CAST: variants seen among roughly 807,000 people sequenced by gnomAD.
The protein encoded by CAST is calpastatin, also known as MIR583 host.
Under a neutral mutation model 119.6 loss-of-function variants are expected in CAST, and 76 were observed. The ratio of observed to expected loss-of-function variants is 0.64; its 90% CI spans 0.53 to 0.77. CAST has a LOEUF of 0.77. CAST is among the 30% of genes least tolerant of loss of function. The probability of loss-of-function intolerance (pLI) is 0.00; values close to 1 mark genes in which losing one functional copy is unlikely to be tolerated. For synonymous variants in CAST, 319 were observed against 331.6 expected, an observed-to-expected ratio of 0.96 and a Z score of 0.41; for missense variants, 953 against 946.5, an observed-to-expected ratio of 1.01 and a Z score of -0.09.
chr5:96,579,922 G>T (rs1359950253), intron 1 of CAST, among the ~76,000 whole-genome samples: 2 of 152,230 alleles, frequency 1.3e-5, no homozygotes, highest in Non-Finnish European at 2.9e-5. Flanking sequence ...CTGCCGTGGG[G>T]CAATAACACA....
chr5:95,996,217 T>C, the CAST span, among the ~76,000 whole-genome samples: 3 of 152,260 alleles, frequency 2.0e-5, no homozygotes, highest in South Asian at 2.1e-4. Context: ...TTTTGCTGAC[T>C]CCAGAGTGGA....
At chr5:96,240,404 T>A in the CAST span, among the ~76,000 whole-genome samples, 1 of 152,164 alleles carries the variant, frequency 6.6e-6, no homozygotes, top group Non-Finnish European at 1.5e-5. Context: ...TGGGCAAGCG[T>A]CCGATTTCTG....
At chr5:96,534,472 C>A (rs1745745473) in intron 1 of CAST, among the ~76,000 whole-genome samples, 1 of 151,608 alleles carries the variant, frequency 6.6e-6, no homozygotes, top group Non-Finnish European at 1.5e-5. Flanking sequence ...AGTTCAAAAC[C>A]AGTCTGACCA....
At chr5:95,984,560 ACT>A in the CAST span, among the ~76,000 whole-genome samples, 2 of 152,036 alleles carry the variant, frequency 1.3e-5, no homozygotes, top group Non-Finnish European at 2.9e-5. Flanking sequence ...TAATACTGAA[ACT>A]CTCTGAGAAA....
At chr5:96,658,997 C>T (rs1323412986), upstream of CAST, among the ~76,000 whole-genome samples, 1 of 152,162 alleles carries the variant, frequency 6.6e-6, no homozygotes, top group Non-Finnish European at 1.5e-5. Context: ...TTATAGGATT[C>T]TCTTTCAAGT....
the CAST span, among the ~76,000 whole-genome samples, chr5:96,503,147 T>C: frequency 2.0e-5 from 3 of 152,244 alleles, no homozygotes; most frequent in Admixed American, 6.5e-5. Flanking sequence ...AAATTAGAAA[T>C]GTAAAAACTG....
the CAST span, among the ~76,000 whole-genome samples, chr5:96,315,600 G>A: frequency 1.3e-5 from 2 of 152,320 alleles, no homozygotes; most frequent in East Asian, 3.9e-4. Context: ...TTAAAGGTCT[G>A]TAACTATGGT....
chr5:96,661,971 T>C (rs1158915336), upstream of CAST: 1 of 159,238 alleles, frequency 6.3e-6, no homozygotes, highest in Admixed American at 6.5e-5. Flanking sequence ...CGGAGCAGAA[T>C]GTAGAAAGAG....
intron 1 of CAST, among the ~76,000 whole-genome samples, chr5:96,549,810 C>T (rs1447318716): frequency 1.3e-5 from 2 of 152,208 alleles, no homozygotes; most frequent in Non-Finnish European, 2.9e-5. Flanking sequence ...AGTCTGAAAT[C>T]GACCTGGGAC....
chr5:96,171,024 G>A, the CAST span, among the ~76,000 whole-genome samples: 518 of 152,224 alleles, frequency 3.4e-3, 6 homozygotes, highest in African/African-American at 0.012. Context: ...TGGAGACTCC[G>A]CGACGCTTGG....
chr5:96,247,887 A>T, the CAST span: 1 of 152,252 alleles, frequency 6.6e-6, no homozygotes, highest in African/African-American at 2.4e-5. Context: ...TTTCCCAGGG[A>T]AGATGTTGGT....
the CAST span, among the ~76,000 whole-genome samples, chr5:96,124,012 A>T: frequency 4.6e-5 from 7 of 152,264 alleles, no homozygotes; most frequent in East Asian, 1.4e-3. Context: ...TGTCAAAAAG[A>T]TGGTCAATAT....
the CAST span, among the ~76,000 whole-genome samples, chr5:96,165,650 T>A: frequency 6.6e-6 from 1 of 152,260 alleles, no homozygotes; most frequent in Non-Finnish European, 1.5e-5. Context: ...CACAGACTGC[T>A]TTTATTGATT....
At chr5:96,662,198 G>A (rs557919179), upstream of CAST, 17 of 475,312 alleles carry the variant, frequency 3.6e-5, no homozygotes, top group Non-Finnish European at 5.3e-5. Flanking sequence ...TTAAGTTACA[G>A]GGCAGGAGCC....
chr5:96,296,614 C>A, the CAST span, among the ~76,000 whole-genome samples: 1 of 152,116 alleles, frequency 6.6e-6, no homozygotes, highest in African/African-American at 2.4e-5. Flanking sequence ...TGAATCTATA[C>A]AAATTTCATG....
intron 1 of CAST, among the ~76,000 whole-genome samples, chr5:96,671,397 G>A (rs1444754088): frequency 6.6e-6 from 1 of 152,046 alleles, no homozygotes; most frequent in African/African-American, 2.4e-5. Context: ...CTTTTGTTTT[G>A]TTCTCATTTC....
At chr5:96,432,829 C>A in the CAST span, 2 of 1,598,294 alleles carry the variant, frequency 1.3e-6, no homozygotes, top group Non-Finnish European at 1.7e-6. Flanking sequence ...TCCCCTGGGG[C>A]CCCAGAAAGT....
the CAST span, among the ~76,000 whole-genome samples, chr5:96,024,500 A>G: frequency 3.9e-5 from 6 of 152,204 alleles, no homozygotes; most frequent in Admixed American, 3.3e-4. Flanking sequence ...CTCAACCACA[A>G]AGAAAAGTGT....
At chr5:96,647,999 G>A (rs564080642) in intron 1 of CAST, among the ~76,000 whole-genome samples, 1 of 152,296 alleles carries the variant, frequency 6.6e-6, no homozygotes, top group Admixed American at 6.5e-5. Context: ...TGCCCCTTGT[G>A]AATTTGAATT....
Sources: allele counts gnomAD v4.1 joint callset (sites outside exome capture counted in the v4.1 genomes callset), GRCh38; gene constraint gnomAD v4.1.1; transcripts MANE v1.5; gene names NCBI Gene and HGNC (gene_info 2026-07-23, HGNC 2026-07-21).